LRP1B: variants seen among roughly 807,000 people sequenced by gnomAD.
LRP1B encodes LDL receptor related protein 1B.
In LRP1B, 217 loss-of-function variants were observed where a neutral mutation model predicts 556.6. That is an observed-to-expected ratio of 0.39 (90% CI 0.35 to 0.44). The LOEUF (loss-of-function observed/expected upper bound fraction) is 0.44, where lower values mean the gene tolerates loss of function less well. Among genes scored for constraint, LRP1B ranks in the 20% least tolerant of loss-of-function variants. The pLI, the probability that LRP1B is intolerant of heterozygous loss-of-function variation, is 1.00. For synonymous variants in LRP1B, 2,047 were observed against 1,865.8 expected (o/e 1.10, Z -2.50); for missense variants, 5,053 against 5,620.8 (o/e 0.90, Z 3.23).
chr2:141,075,433 C>G (rs780943364), intron 7 of LRP1B, among the ~76,000 whole-genome samples: 2 of 152,058 alleles, frequency 1.3e-5, no homozygotes, highest in Non-Finnish European at 2.9e-5. Flanking sequence ...GGTGTCATTC[C>G]ATTTAATACA....
At chr2:141,566,892 T>G (rs1467511613) in intron 2 of LRP1B, among the ~76,000 whole-genome samples, 2 of 152,096 alleles carry the variant, frequency 1.3e-5, no homozygotes, top group African/African-American at 2.4e-5. Context: ...CTAAAGTAAA[T>G]TCCTAGAAAT....
At chr2:140,582,426 T>C (rs1365018214) in intron 43 of LRP1B, among the ~76,000 whole-genome samples, 2 of 152,202 alleles carry the variant, frequency 1.3e-5, no homozygotes, top group East Asian at 3.9e-4. Flanking sequence ...AGCAGGGTTA[T>C]AATTGGTGCT....
chr2:140,716,781 T>G lies in LRP1B; in HGVS notation c.5794A>C (p.Asn1932His), dbSNP rs762618054. 2 of 1,609,108 alleles carry G rather than the reference T, an allele frequency of 1.2e-6. No individual in the cohort carries two copies. The highest frequency in any genetic ancestry group is 8.5e-7 in the Non-Finnish European group (1 of 1,176,110). The stretch of plus-strand genomic sequence containing the variant: ...TCTCTTTTAGCTCTGCTAATTTTAT[T>G]GAAGCCCATGTCTGTCCAGTAGATG... Reference protein sequence around the residue: ...DTIYWTDMGFNKISRAKRDQT... With the variant: ...DTIYWTDMGFHKISRAKRDQT... Residue 1932 changes from asparagine (N) to histidine (H), a missense_variant, in exon 36 of 91, where the codon AAT becomes CAT. By Grantham distance (68) the Asn-to-His change is moderately conservative (BLOSUM62 1). Coordinates refer to ENST00000389484, the MANE Select transcript of LRP1B (RefSeq NM_018557.3).
intron 2 of LRP1B, among the ~76,000 whole-genome samples, chr2:141,592,491 T>C (rs1687376088): frequency 6.6e-6 from 1 of 152,304 alleles, no homozygotes; most frequent in East Asian, 1.9e-4. Context: ...TATCTCCCTG[T>C]GACCCCATAT....
Position 141,993,429 on chromosome 2 carries a change from A to ATTAT in LRP1B, c.82+137218_82+137219insATAA, listed in dbSNP as rs1553499481. 3.0e-3 allele frequency among the ~76,000 whole-genome samples: 456 copies of ATTAT among 151,528 alleles called. 10 individuals carry two copies. The highest frequency in any genetic ancestry group is 0.023 in the East Asian group (116 of 5,098). On this transcript the variant is annotated intron_variant, in intron 1 of 90. Transcript: ENST00000389484. ...CTGGGGGCTCCACTAGGAGCAGGAAATTTTTCCCCTCCACCTTCCAATCTT... is the reference window on the plus strand; with the variant it reads ...CTGGGGGCTCCACTAGGAGCAGGAAATTATTTTTTCCCCTCCACCTTCCAATCTT...
At chr2:141,336,104 C>A (rs566816474) in intron 3 of LRP1B, among the ~76,000 whole-genome samples, 1 of 109,720 alleles carries the variant, frequency 9.1e-6, no homozygotes, top group Admixed American at 9.6e-5. Flanking sequence ...TGAAATATCC[C>A]AGACCTGTCC....
chr2:141,960,179 T>C, intron 1 of LRP1B, among the ~76,000 whole-genome samples: 1 of 136,894 alleles, frequency 7.3e-6, no homozygotes, highest in South Asian at 2.1e-4. Flanking sequence ...AGCTTGTAAT[T>C]TGGATAAGAT....
intron 6 of LRP1B, among the ~76,000 whole-genome samples, chr2:141,195,106 G>C (rs1681696966): frequency 6.6e-6 from 1 of 152,102 alleles, no homozygotes; most frequent in Non-Finnish European, 1.5e-5. Flanking sequence ...GAATGTGGAA[G>C]AGATGATGGA....
intron 35 of LRP1B, among the ~76,000 whole-genome samples, chr2:140,720,596 T>C (rs539745267): frequency 6.6e-5 from 10 of 152,220 alleles, no homozygotes; most frequent in African/African-American, 2.4e-4. Flanking sequence ...TTTCCCTGGG[T>C]ATTTAGAGAC....
intron 45 of LRP1B, among the ~76,000 whole-genome samples, chr2:140,540,279 T>C (rs1384428898): frequency 1.3e-5 from 2 of 152,160 alleles, no homozygotes; most frequent in African/African-American, 2.4e-5. Flanking sequence ...ATTTCTCTCC[T>C]ACCTTATACA....
At chr2:140,927,703 G>A (rs12987310) in intron 20 of LRP1B, among the ~76,000 whole-genome samples, 4,439 of 122,258 alleles carry the variant, frequency 0.036, 80 homozygotes, top group African/African-American at 0.055. Flanking sequence ...GTATTACGAG[G>A]AAGGCTTTTT....
chr2:141,134,378 A>T (rs2105035837), intron 7 of LRP1B, among the ~76,000 whole-genome samples: 1 of 151,870 alleles, frequency 6.6e-6, no homozygotes, highest in Non-Finnish European at 1.5e-5. Context: ...GATAAAACCC[A>T]ATCTCCTACT....
At chr2:140,838,977 C>T (rs111696929) in intron 31 of LRP1B, among the ~76,000 whole-genome samples, 5 of 152,144 alleles carry the variant, frequency 3.3e-5, no homozygotes, top group African/African-American at 1.2e-4. Flanking sequence ...CCTGTCAGTG[C>T]CATCACGTTA....
chr2:141,504,057 A>C lies in LRP1B; in HGVS notation c.206-23524T>G, dbSNP rs142858346. Among the ~76,000 whole-genome samples, 359 of 152,274 alleles carry C rather than the reference A, an allele frequency of 2.4e-3. 1 individual carries two copies. The highest frequency in any genetic ancestry group is 8.3e-3 in the African/African-American group (347 of 41,566). ...GCCACCTCCAAATACTATCTAATAC[A>C]TTAATAATGGTTGTGGTTACTCACA... On this transcript the variant is annotated intron_variant, in intron 2 of 90. Transcript: ENST00000389484.
intron 18 of LRP1B, 73 bp from the exon 19 acceptor site, chr2:140,952,013 T>A (rs1464164909): frequency 9.3e-7 from 1 of 1,076,572 alleles, no homozygotes; most frequent in East Asian, 2.4e-5. Flanking sequence ...TATCATCTGA[T>A]AATGTGATCA....
At chr2:141,588,062 G>C (rs1318723155) in intron 2 of LRP1B, among the ~76,000 whole-genome samples, 2 of 152,064 alleles carry the variant, frequency 1.3e-5, no homozygotes, top group African/African-American at 2.4e-5. Flanking sequence ...TTATCTTGGA[G>C]TTTTGCCATG....
chr2:140,828,970 G>A (rs1480525669), intron 31 of LRP1B, among the ~76,000 whole-genome samples: 1 of 151,930 alleles, frequency 6.6e-6, no homozygotes, highest in Non-Finnish European at 1.5e-5. Context: ...CAAAAGCAGA[G>A]CAAGAGTAAC....
intron 2 of LRP1B, among the ~76,000 whole-genome samples, chr2:141,646,417 C>T (rs1445169843): frequency 6.6e-6 from 1 of 152,080 alleles, no homozygotes; most frequent in Non-Finnish European, 1.5e-5. Flanking sequence ...AGAGAGGAAT[C>T]AATCTGCAAA....
At chr2:140,921,776 C>T (rs575919571) in intron 21 of LRP1B, among the ~76,000 whole-genome samples, 22 of 152,060 alleles carry the variant, frequency 1.4e-4, no homozygotes, top group African/African-American at 5.3e-4. Flanking sequence ...TGTTAGCTTG[C>T]ATTTATTTTT....
Sources: gnomAD v4.1 joint callset for allele counts (sites outside exome capture counted in the v4.1 genomes callset) on GRCh38, gnomAD v4.1.1 for gene constraint, MANE v1.5 for transcripts, NCBI Gene and HGNC (gene_info 2026-07-23, HGNC 2026-07-21) for gene names.